The following BDH2 variants were observed in gnomAD, a reference collection of about 807,000 sequenced individuals.
BDH2 encodes the protein 3-hydroxybutyrate dehydrogenase 2, also known as dehydrogenase/reductase SDR family member 6.
BDH2 carries 24 observed loss-of-function variants against 33.2 expected under a neutral mutation model. The ratio of observed to expected loss-of-function variants is 0.72; its 90% CI spans 0.52 to 1.02. The LOEUF is 1.02. Ranked by LOEUF, BDH2 falls within the 50% of genes least tolerant of loss-of-function variation. The probability of loss-of-function intolerance (pLI) is 0.00; values close to 1 mark genes in which losing one functional copy is unlikely to be tolerated. For synonymous variants in BDH2, 81 were observed against 101.6 expected (o/e 0.80, Z 1.22); for missense variants, 249 against 301.6 (o/e 0.83, Z 1.29).
At chr4:103,087,836 G>GA (rs1454046506) in intron 5 of BDH2, among the ~76,000 whole-genome samples, 4 of 151,928 alleles carry the variant, frequency 2.6e-5, no homozygotes, top group Non-Finnish European at 4.4e-5. Context: ...AAGGGCCAGA[G>GA]AAAAAAAATG....
chr4:103,085,871 T>G, intron 6 of BDH2: 1 of 1,220,052 alleles, frequency 8.2e-7, no homozygotes, highest in Non-Finnish European at 1.0e-6. Context: ...AGAGAAGAAA[T>G]GGTATCTCAG....
intron 1 of BDH2, 120 bp from the exon 2 acceptor site, chr4:103,096,394 A>G (rs1382127518): frequency 3.4e-6 from 2 of 583,294 alleles, no homozygotes; most frequent in East Asian, 5.6e-5. Context: ...TCCTTCAGGA[A>G]CTTGAAGACA....
chr4:103,086,669 T>A, intron 5 of BDH2, 129 bp from the exon 6 acceptor site: 2 of 1,135,900 alleles, frequency 1.8e-6, no homozygotes, highest in Non-Finnish European at 2.4e-6. Flanking sequence ...CTAGTCACAT[T>A]AAGCACTATT....
At chr4:103,082,341 G>A (rs576164788) in intron 8 of BDH2, among the ~76,000 whole-genome samples, 168 bp from the exon 9 acceptor site, 16 of 152,244 alleles carry the variant, frequency 1.1e-4, no homozygotes, top group African/African-American at 3.9e-4. Flanking sequence ...AATTGTTTGT[G>A]TTATACTAAA....
At chr4:103,097,773 T>C (rs910593818) in intron 1 of BDH2, 2 of 152,238 alleles carry the variant, frequency 1.3e-5, no homozygotes, top group Non-Finnish European at 2.9e-5. Context: ...AAGTGAAGAA[T>C]AGGAGAAAGT....
intron 7 of BDH2, among the ~76,000 whole-genome samples, 168 bp from the exon 8 acceptor site, chr4:103,083,097 C>A (rs919158419): frequency 6.6e-6 from 1 of 152,154 alleles, no homozygotes; most frequent in Non-Finnish European, 1.5e-5. Flanking sequence ...CTTATAATTT[C>A]TTCAATAACA....
intron 9 of BDH2, among the ~76,000 whole-genome samples, chr4:103,080,811 A>G (rs889645862): frequency 7.2e-5 from 11 of 152,206 alleles, no homozygotes; most frequent in African/African-American, 2.7e-4. Context: ...CCCAAATCAA[A>G]TGAGCTATTC....
At chr4:103,082,562 A>T (rs1429643877) in intron 8 of BDH2, among the ~76,000 whole-genome samples, 1 of 151,874 alleles carries the variant, frequency 6.6e-6, no homozygotes, top group South Asian at 2.1e-4. Context: ...TATTATTATT[A>T]TTTTTTCTTA....
chr4:103,079,595 T>C lies in BDH2; in HGVS notation c.*107A>G, dbSNP rs1747409464. 1 of 1,096,752 alleles carries C rather than the reference T, an allele frequency of 9.1e-7. No individual in the cohort carries two copies. The highest frequency in any genetic ancestry group is 1.9e-5 in the Admixed American group (1 of 51,626). The allele number at this position is 1,096,752 out of a possible 1,614,324, so 67.9% of individuals were successfully genotyped here. On this transcript the variant is annotated 3_prime_UTR_variant, in exon 10 of 10. Coordinates refer to ENST00000296424, the MANE Select transcript of BDH2 (RefSeq NM_020139.4). ...CATCATTAAAAAGAGCTTATTTTCATTAACATGTGATTAACAGGAAGGAGA... is the reference window on the plus strand; with the variant it reads ...CATCATTAAAAAGAGCTTATTTTCACTAACATGTGATTAACAGGAAGGAGA...
intron 4 of BDH2, chr4:103,091,661 C>G (rs1024449645): frequency 2.2e-5 from 10 of 453,564 alleles, no homozygotes; most frequent in Non-Finnish European, 3.5e-5. Flanking sequence ...AAGAGGACCA[C>G]TTGAGCCCAG....
chr4:103,094,327 G>A lies in BDH2; in HGVS notation c.151+876C>T, dbSNP rs533826960. Among the ~76,000 whole-genome samples the A allele has an allele frequency of 3.3e-5, 5 of 152,264 alleles. No individual in the cohort carries two copies. In the East Asian group the frequency reaches 9.6e-4, roughly 29 times the overall value. On this transcript the variant is annotated intron_variant, in intron 3 of 9. Transcript: ENST00000296424. Reference sequence around the variant, plus strand: ...GTTGGTCAAAGGGTACACTCTTGCAGTTATAAGACTTAATATACAGTACAG... The same window carrying A: ...GTTGGTCAAAGGGTACACTCTTGCAATTATAAGACTTAATATACAGTACAG...
In BDH2 at chr4:103,093,635, A is replaced by G. The variant is rs1292676500; in HGVS notation, c.152-939T>C. On this transcript the variant is annotated intron_variant, in intron 3 of 9. Coordinates refer to ENST00000296424, the MANE Select transcript of BDH2 (RefSeq NM_020139.4). ...GTATACATATAATATATAATAATAT[A>G]TGAATAATACATATAATATATAGTA... is the stretch of plus-strand genomic sequence containing the variant. 8.8e-5 allele frequency among the ~76,000 whole-genome samples: 13 copies of G among 147,512 alleles called. No homozygotes were observed. In the South Asian group the frequency reaches 1.1e-3, roughly 12 times the overall value.
At position 103,091,183 on chromosome 4, in the gene BDH2, A is replaced by G. The variant is rs1288354484; in HGVS notation, c.351T>C (p.Leu117=). The G allele has an allele frequency of 5.0e-6, 8 of 1,609,270 alleles. No homozygotes were observed. The highest frequency in any genetic ancestry group is 1.7e-5 in the Admixed American group (1 of 59,970). Residue 117 remains leucine (L), a synonymous_variant, in exon 5 of 10, where the codon CTT becomes CTC. Transcript: ENST00000296424. ...GTGGTGGTGGTGGTCTTACTTTAGG[A>G]AGGAATGCCTTGATCATCAGGTACA... is the stretch of plus-strand genomic sequence containing the variant. ...RSMYLMIKAF[L]PKMLAQKSGN... is the part of the protein sequence containing the mutation.
Position 103,086,018 on chromosome 4 carries a change from C to T in BDH2, c.418+462G>A, listed in dbSNP as rs970800778. ...GATCAACTGTCTTTGTGAAGCATTC[C>T]ACAAACTCACAGGCAGTTATTTCCC... On this transcript the variant is annotated intron_variant, in intron 6 of 9. Coordinates refer to ENST00000296424, the MANE Select transcript of BDH2 (RefSeq NM_020139.4). The T allele has an allele frequency of 2.3e-5, 27 of 1,151,110 alleles. No homozygotes were observed. The African/African-American group carries it at 3.9e-4, about 17-fold the overall frequency. 71.3% of individuals were successfully genotyped at this position (1,151,110 alleles called of 1,614,324 possible).
chr4:103,080,781 A>T (rs940884672), intron 9 of BDH2, among the ~76,000 whole-genome samples: 2 of 152,244 alleles, frequency 1.3e-5, no homozygotes, highest in Non-Finnish European at 2.9e-5. Context: ...AACTAAGGGT[A>T]ATTTAGCTTA....
chr4:103,079,597 A>T lies in BDH2; in HGVS notation c.*105T>A. ...TCATTAAAAAGAGCTTATTTTCATTAACATGTGATTAACAGGAAGGAGATG... is the reference window on the plus strand; with the variant it reads ...TCATTAAAAAGAGCTTATTTTCATTTACATGTGATTAACAGGAAGGAGATG... On this transcript the variant is annotated 3_prime_UTR_variant, in exon 10 of 10. Transcript: ENST00000296424. 1 of 1,104,776 alleles carries T rather than the reference A, an allele frequency of 9.1e-7. No individual in the cohort carries two copies. The highest frequency in any genetic ancestry group is 1.4e-6 in the Non-Finnish European group (1 of 733,746). 68.4% of individuals were successfully genotyped at this position (1,104,776 alleles called of 1,614,324 possible).
intron 1 of BDH2, among the ~76,000 whole-genome samples, chr4:103,097,420 G>A (rs1484745855): frequency 2.0e-5 from 3 of 152,224 alleles, no homozygotes; most frequent in Non-Finnish European, 4.4e-5. Flanking sequence ...GAAAGAGCTA[G>A]TAGTGAGGCT....
Position 103,092,606 on chromosome 4 carries a change from A to G in BDH2, c.242T>C (p.Val81Ala). The G allele has an allele frequency of 6.2e-7, 1 of 1,605,090 alleles. No individual in the cohort carries two copies. Among genetic ancestry groups the G allele is most frequent in the African/African-American group, 1.3e-5 (1 of 74,868 alleles). Residue 81 changes from valine (V) to alanine (A), a missense_variant, in exon 4 of 10, where the codon GTT becomes GCT. Val to Ala is a moderately conservative substitution (Grantham distance 64). Coordinates refer to ENST00000296424, the MANE Select transcript of BDH2 (RefSeq NM_020139.4). ...CTAAAAAGTTATGAATTACCCAGCA[A>G]CATTAAAGAGAACATCAAGTCTCTC... ...EVERLDVLFN[V>A]AGFVHHGTVL...
rs868355324 is a variant in BDH2, at chr4:103,082,144, C to G, written c.621G>C (p.Lys207Asn). The G allele has an allele frequency of 4.3e-6, 7 of 1,614,174 alleles. No individual in the cohort carries two copies. The Middle Eastern group carries it at 8.2e-4, about 190-fold the overall frequency. ...CTTCTGCAGTTGCGAATCTTCCCGT[C>G]TTTTGTCTCTTCAGGAAATCATTCC... Reference protein sequence around the residue: ...EARNDFLKRQKTGRFATAEEI... With the variant: ...EARNDFLKRQNTGRFATAEEI... Residue 207 changes from lysine (K) to asparagine (N), a missense_variant, in exon 9 of 10, where the codon AAG (lysine) becomes AAC (asparagine). Transcript: ENST00000296424.
Sources: allele counts gnomAD v4.1 joint callset (sites outside exome capture counted in the v4.1 genomes callset), GRCh38; gene constraint gnomAD v4.1.1; transcripts MANE v1.5; gene names NCBI Gene and HGNC (gene_info 2026-07-23, HGNC 2026-07-21).